THSD7B: variants seen among roughly 807,000 people sequenced by gnomAD.
THSD7B encodes thrombospondin type-1 domain-containing protein 7B.
THSD7B carries 138 observed loss-of-function variants against 213.6 expected under a neutral mutation model. The ratio of observed to expected loss-of-function variants is 0.65; its 90% confidence interval spans 0.56 to 0.74. The LOEUF (loss-of-function observed/expected upper bound fraction) is 0.74. Among genes scored for constraint, THSD7B ranks in the 30% least tolerant of loss-of-function variants. THSD7B has a pLI of 0.00. For synonymous variants in THSD7B, 742 were observed against 687.0 expected, an observed-to-expected ratio of 1.08 and a Z score of -1.25; for missense variants, 1,931 against 1,991.5, an observed-to-expected ratio of 0.97 and a Z score of 0.58.
intron 15 of THSD7B, among the ~76,000 whole-genome samples, chr2:137,524,208 AG>A (rs1307098589): frequency 6.6e-6 from 1 of 152,114 alleles, no homozygotes; most frequent in East Asian, 1.9e-4. Flanking sequence ...ATATTCAGTA[AG>A]CCACTGGAAA....
chr2:136,983,377 A>ACACACACACACACACT (rs1342830898), intron 2 of THSD7B, among the ~76,000 whole-genome samples: 6,401 of 146,230 alleles, frequency 0.044, 231 homozygotes, highest in Middle Eastern at 0.16. Flanking sequence ...ACACGCACAC[A>ACACACACACACACACT]CACTCACTCT....
intron 2 of THSD7B, among the ~76,000 whole-genome samples, chr2:136,964,233 T>A (rs879121372): frequency 1.2e-4 from 19 of 152,176 alleles, no homozygotes; most frequent in Admixed American, 8.5e-4. Flanking sequence ...TAAGGGAGGA[T>A]TCAGAAGAGA....
intron 16 of THSD7B, among the ~76,000 whole-genome samples, chr2:137,565,382 A>G (rs987807633): frequency 2.0e-5 from 3 of 152,162 alleles, no homozygotes; most frequent in Non-Finnish European, 2.9e-5. Context: ...CTCTTTCATA[A>G]CATGGTTGGA....
intron 2 of THSD7B, among the ~76,000 whole-genome samples, chr2:136,943,598 G>C (rs1188049546): frequency 6.6e-6 from 1 of 152,102 alleles, no homozygotes; most frequent in Non-Finnish European, 1.5e-5. Context: ...CTTCTTCCTG[G>C]TTTAGTCTTG....
rs1278727277 is a variant in THSD7B at position 137,083,400 on chromosome 2, A to G, written c.951-11473A>G. ...TATTTTCAAAATTGCCTTCTCCGTCATATTTTTAAAACTCTTATTCAAATA... is the reference window on the plus strand; with the variant it reads ...TATTTTCAAAATTGCCTTCTCCGTCGTATTTTTAAAACTCTTATTCAAATA... On this transcript the variant is annotated intron_variant, in intron 3 of 27. Coordinates refer to ENST00000409968, the MANE Select transcript of THSD7B (RefSeq NM_001316349.2). 2.0e-5 allele frequency among the ~76,000 whole-genome samples: 3 copies of G among 152,214 alleles called. No individual in the cohort carries two copies. In the East Asian group the frequency reaches 5.8e-4, roughly 29 times the overall value.
chr2:137,453,575 C>T (rs1056225216), intron 15 of THSD7B, among the ~76,000 whole-genome samples: 4 of 152,060 alleles, frequency 2.6e-5, no homozygotes, highest in Admixed American at 6.6e-5. Flanking sequence ...GTGCTCTGCC[C>T]GCCTCGGCCT....
chr2:136,909,302 GGGAAGATTTT>G (rs1475048552), intron 2 of THSD7B, among the ~76,000 whole-genome samples: 2 of 152,130 alleles, frequency 1.3e-5, no homozygotes, highest in African/African-American at 4.8e-5. Context: ...AAGATGGCAT[GGGAAGATTTT>G]GGAAAAATGA....
At chr2:136,835,328 C>G (rs916645735) in intron 1 of THSD7B, among the ~76,000 whole-genome samples, 1 of 152,188 alleles carries the variant, frequency 6.6e-6, no homozygotes, top group African/African-American at 2.4e-5. Flanking sequence ...CCAGGTGTAA[C>G]TCTCTCATGA....
chr2:137,319,835 G>C (rs72977613), intron 12 of THSD7B, among the ~76,000 whole-genome samples: 31,389 of 152,012 alleles, frequency 0.21, 3,564 homozygotes, highest in South Asian at 0.31. Flanking sequence ...GGGTGGCGGG[G>C]GTGGTCAAAT....
chr2:137,073,835 G>A (rs1486984571), intron 3 of THSD7B, among the ~76,000 whole-genome samples: 2 of 152,132 alleles, frequency 1.3e-5, no homozygotes, highest in Admixed American at 6.6e-5. Context: ...CCTTCAGTTC[G>A]TTATTTACCC....
chr2:137,015,899 A>T (rs1686330802), intron 2 of THSD7B, among the ~76,000 whole-genome samples: 1 of 152,118 alleles, frequency 6.6e-6, no homozygotes, highest in Non-Finnish European at 1.5e-5. Flanking sequence ...CCTCGAGAGG[A>T]GGGAGGGCTT....
Position 137,676,644 on chromosome 2 carries a change from A to G in THSD7B, c.*39A>G. ...TCCAAATGTAGACATCAACTGCCTT[A>G]ACCGCTTTCTCTTTTGTAGCTCTCA... On this transcript the variant is annotated 3_prime_UTR_variant, in exon 28 of 28. Transcript: ENST00000409968. 4.6e-6 allele frequency: 7 copies of G among 1,505,982 alleles called. No homozygotes were observed. Among genetic ancestry groups the G allele is most frequent in the Non-Finnish European group, 5.3e-6 (6 of 1,126,592 alleles). 93.3% of individuals were successfully genotyped at this position (1,505,982 alleles called of 1,614,324 possible). A position where few individuals can be genotyped will look rare whatever the true frequency, so the allele number is the denominator to read the frequency against.
chr2:137,256,175 G>A (rs372263480), intron 10 of THSD7B, among the ~76,000 whole-genome samples: 1 of 152,122 alleles, frequency 6.6e-6, no homozygotes, highest in Non-Finnish European at 1.5e-5. Flanking sequence ...CTAAATATTT[G>A]TTGAATGAAT....
intron 14 of THSD7B, among the ~76,000 whole-genome samples, chr2:137,442,569 A>G (rs993962331): frequency 4.6e-5 from 7 of 152,022 alleles, no homozygotes; most frequent in Non-Finnish European, 7.4e-5. Context: ...AGCAGCCAGG[A>G]ATATTGCTGG....
At chr2:137,117,826 C>T (rs1573833779) in intron 5 of THSD7B, among the ~76,000 whole-genome samples, 2 of 152,106 alleles carry the variant, frequency 1.3e-5, no homozygotes, top group East Asian at 3.9e-4. Flanking sequence ...TTAAAAAATG[C>T]TAATTCCCTC....
intron 16 of THSD7B, among the ~76,000 whole-genome samples, chr2:137,567,355 G>C (rs572747853): frequency 1.3e-5 from 2 of 151,956 alleles, no homozygotes; most frequent in Non-Finnish European, 2.9e-5. Flanking sequence ...TTTTAGTAAA[G>C]AGAGTTTCAC....
chr2:136,872,142 A>C (rs1683439492), intron 1 of THSD7B, among the ~76,000 whole-genome samples: 1 of 152,166 alleles, frequency 6.6e-6, no homozygotes, highest in Admixed American at 6.5e-5. Context: ...GCACACAAAA[A>C]CATGGCTTAA....
At chr2:137,369,815 C>T (rs1260128576) in intron 12 of THSD7B, among the ~76,000 whole-genome samples, 2 of 152,142 alleles carry the variant, frequency 1.3e-5, no homozygotes, top group Admixed American at 6.6e-5. Flanking sequence ...CATTGCCCAC[C>T]CTTCCCAACC....
At chr2:136,932,155 C>T (rs1684642631) in intron 2 of THSD7B, among the ~76,000 whole-genome samples, 2 of 151,932 alleles carry the variant, frequency 1.3e-5, no homozygotes, top group African/African-American at 4.8e-5. Flanking sequence ...TGATAATTTA[C>T]CTGAAATTCA....
Sources: allele counts gnomAD v4.1 joint callset (sites outside exome capture counted in the v4.1 genomes callset), GRCh38; gene constraint gnomAD v4.1.1; transcripts MANE v1.5; gene names NCBI Gene and HGNC (gene_info 2026-07-23, HGNC 2026-07-21).